The following ARPP21 variants were observed in gnomAD, a reference collection of about 807,000 sequenced individuals.
ARPP21 encodes the protein cAMP regulated phosphoprotein 21.
In ARPP21, 69 loss-of-function variants were observed where a neutral mutation model predicts 113.2. That is an observed-to-expected ratio of 0.61 (90% CI 0.50 to 0.74). The LOEUF is 0.74. ARPP21 is among the 30% of genes least tolerant of loss of function. The probability of loss-of-function intolerance (pLI) is 0.00; values close to 1 mark genes in which losing one functional copy is unlikely to be tolerated. For missense variants in ARPP21, 1,070 were observed against 1,037.4 expected (o/e 1.03, Z -0.43); for synonymous variants, 368 against 375.5 (o/e 0.98, Z 0.23).
chr3:35,748,067 G>GAAGGAAGGAAGAAAGAAAGA (rs1180382135), intron 19 of ARPP21, among the ~76,000 whole-genome samples: 3 of 86,956 alleles, frequency 3.5e-5, no homozygotes, highest in East Asian at 6.4e-4. Context: ...AAGAAGGAAG[G>GAAGGAAGGAAGAAAGAAAGA]AAGAAAGAAA....
At chr3:35,668,689 A>C (rs2075574789) in intron 1 of ARPP21, among the ~76,000 whole-genome samples, 2 of 152,188 alleles carry the variant, frequency 1.3e-5, no homozygotes, top group Admixed American at 1.3e-4. Flanking sequence ...AAATTATGAT[A>C]CTAATAATGC....
chr3:35,782,510 C>A (rs1477877330), intron 19 of ARPP21, among the ~76,000 whole-genome samples: 1 of 151,954 alleles, frequency 6.6e-6, no homozygotes, highest in East Asian at 1.9e-4. Flanking sequence ...GTCTTGTATC[C>A]TCAAGAGGAA....
At chr3:35,673,920 G>A (rs537992238) in intron 1 of ARPP21, among the ~76,000 whole-genome samples, 1 of 151,944 alleles carries the variant, frequency 6.6e-6, no homozygotes, top group East Asian at 1.9e-4. Context: ...TATAAAAAAT[G>A]CCTTTTTTCT....
At chr3:35,763,311 G>A (rs1210474873) in intron 19 of ARPP21, among the ~76,000 whole-genome samples, 1 of 152,044 alleles carries the variant, frequency 6.6e-6, no homozygotes, top group East Asian at 1.9e-4. Flanking sequence ...GATAGAAGGT[G>A]GAATTTTTAC....
At chr3:35,763,050 G>C (rs1337860526) in intron 19 of ARPP21, among the ~76,000 whole-genome samples, 6 of 152,018 alleles carry the variant, frequency 3.9e-5, no homozygotes, top group Non-Finnish European at 8.8e-5. Context: ...GGCTACAATG[G>C]GGTACATAAA....
chr3:35,691,772 T>C (rs6776685), intron 9 of ARPP21, among the ~76,000 whole-genome samples: 58,788 of 151,362 alleles, frequency 0.39, 12,334 homozygotes, highest in East Asian at 0.71. Flanking sequence ...CAAGCCAATT[T>C]TATAACAAAA....
intron 19 of ARPP21, among the ~76,000 whole-genome samples, chr3:35,755,672 C>A (rs182166399): frequency 2.0e-5 from 3 of 152,174 alleles, no homozygotes; most frequent in Admixed American, 2.0e-4. Context: ...ACCGTGGTAT[C>A]CCTAGAGCCA....
intron 1 of ARPP21, chr3:35,642,397 A>G (rs1225935681): frequency 2.0e-5 from 3 of 152,200 alleles, no homozygotes; most frequent in Non-Finnish European, 4.4e-5. Context: ...CTGGACAAGG[A>G]TATTTGGAAA....
chr3:35,650,335 T>G (rs1701910175), intron 1 of ARPP21: 1 of 152,154 alleles, frequency 6.6e-6, no homozygotes, highest in African/African-American at 2.4e-5. Context: ...AAGTTTTCTA[T>G]GTATTGTGTC....
At chr3:35,666,918 A>C (rs1047948648) in intron 1 of ARPP21, among the ~76,000 whole-genome samples, 1 of 152,216 alleles carries the variant, frequency 6.6e-6, no homozygotes, top group African/African-American at 2.4e-5. Flanking sequence ...TACCCACCTG[A>C]ATTGCCACTG....
intron 19 of ARPP21, among the ~76,000 whole-genome samples, chr3:35,748,110 G>GAAAGAAAGA (rs371869205): frequency 1.0e-5 from 1 of 95,906 alleles, no homozygotes; most frequent in Non-Finnish European, 2.0e-5. Flanking sequence ...AAGAAAGAAA[G>GAAAGAAAGA]AAGAAAGAAA....
intron 1 of ARPP21, among the ~76,000 whole-genome samples, chr3:35,674,010 G>T (rs1267054472): frequency 6.6e-6 from 1 of 151,916 alleles, no homozygotes; most frequent in African/African-American, 2.4e-5. Flanking sequence ...TGTTCCATTA[G>T]AGAGTGTCTC....
chr3:35,708,911 C>A, intron 10 of ARPP21, 58 bp from the exon 11 acceptor site: 1 of 1,185,598 alleles, frequency 8.4e-7, no homozygotes, highest in Non-Finnish European at 1.2e-6. Flanking sequence ...AGTTGCTTAA[C>A]CACAGATTTC....
At chr3:35,718,622 C>T (rs1376318854) in intron 13 of ARPP21, among the ~76,000 whole-genome samples, 1 of 152,138 alleles carries the variant, frequency 6.6e-6, no homozygotes, top group African/African-American at 2.4e-5. Flanking sequence ...AGCACAGAAA[C>T]TCAGAAGGGT....
chr3:35,792,586 G>A, intron 20 of ARPP21, 56 bp downstream of exon 20: 3 of 1,561,046 alleles, frequency 1.9e-6, no homozygotes, highest in Non-Finnish European at 2.6e-6. Context: ...TGCCAAAGTG[G>A]AAGCTGTGGG....
At chr3:35,640,776 A>T (rs1697788145) in intron 1 of ARPP21, among the ~76,000 whole-genome samples, 1 of 152,226 alleles carries the variant, frequency 6.6e-6, no homozygotes, top group African/African-American at 2.4e-5. Flanking sequence ...TTGGGGTCCT[A>T]GGTCCCAAAG....
intron 1 of ARPP21, among the ~76,000 whole-genome samples, chr3:35,678,595 C>A (rs1386934722): frequency 6.6e-6 from 1 of 151,948 alleles, no homozygotes; most frequent in Non-Finnish European, 1.5e-5. Flanking sequence ...AATCATCCAT[C>A]TTCATAAAAC....
chr3:35,687,998 A>G, intron 6 of ARPP21, 115 bp downstream of exon 6: 1 of 945,030 alleles, frequency 1.1e-6, no homozygotes, highest in Non-Finnish European at 1.6e-6. Flanking sequence ...ATATGATTCT[A>G]TACGTGTACG....
intron 1 of ARPP21, among the ~76,000 whole-genome samples, chr3:35,645,729 T>C (rs1340862374): frequency 1.3e-5 from 2 of 151,944 alleles, no homozygotes; most frequent in Non-Finnish European, 2.9e-5. Flanking sequence ...ATACACTAAA[T>C]ACTTGAGATA....
Sources: allele counts gnomAD v4.1 joint callset (sites outside exome capture counted in the v4.1 genomes callset), GRCh38; gene constraint gnomAD v4.1.1; transcripts MANE v1.5; gene names NCBI Gene and HGNC (gene_info 2026-07-23, HGNC 2026-07-21).